The following MPP7 variants were observed in gnomAD, a reference collection of about 807,000 sequenced individuals.
MPP7 encodes MAGUK p55 scaffold protein 7.
In MPP7, 60 loss-of-function variants were observed where a neutral mutation model predicts 76.5. That is an observed-to-expected ratio of 0.78 (90% CI 0.64 to 0.97). MPP7 has a LOEUF of 0.97. Among genes scored for constraint, MPP7 ranks in the 50% least tolerant of loss-of-function variants. The pLI is 0.00. For synonymous variants in MPP7, 237 were observed against 244.5 expected, an observed-to-expected ratio of 0.97 and a Z score of 0.29; for missense variants, 641 against 694.0, an observed-to-expected ratio of 0.92 and a Z score of 0.86.
At chr10:28,309,743 G>A (rs1243418402) in intron 2 of MPP7, among the ~76,000 whole-genome samples, 1 of 152,144 alleles carries the variant, frequency 6.6e-6, no homozygotes, top group East Asian at 1.9e-4. Flanking sequence ...TGGGTCGTGG[G>A]GGCGGATCCC....
In MPP7 at chr10:28,120,286, C is replaced by T. The variant is rs764093738; in HGVS notation, c.795G>A (p.Met265Ile). Residue 265 changes from methionine to isoleucine, a missense_variant, in exon 10 of 17, where the codon ATG becomes ATA. Coordinates refer to ENST00000683449, the MANE Select transcript of MPP7 (RefSeq NM_001318170.2). ...GCCACCAAGTTGCATCATCTTGGCTCATAATCTGAAGAATATCTCCCTTTT... is the reference window on the plus strand; with the variant it reads ...GCCACCAAGTTGCATCATCTTGGCTTATAATCTGAAGAATATCTCCCTTTT... Reference protein sequence around the residue: ...SFKKGDILQIMSQDDATWWQA... With the variant: ...SFKKGDILQIISQDDATWWQA... The T allele has an allele frequency of 6.2e-7, 1 of 1,614,010 alleles. No homozygotes were observed. The highest frequency in any genetic ancestry group is 8.5e-7 in the Non-Finnish European group (1 of 1,179,966).
intron 2 of MPP7, among the ~76,000 whole-genome samples, chr10:28,229,598 T>A (rs1838808445): frequency 6.6e-6 from 1 of 152,084 alleles, no homozygotes; most frequent in Non-Finnish European, 1.5e-5. Flanking sequence ...AGTATAAAAC[T>A]GTGACAATGG....
At chr10:28,165,125 C>T (rs1588873311) in intron 3 of MPP7, among the ~76,000 whole-genome samples, 1 of 152,118 alleles carries the variant, frequency 6.6e-6, no homozygotes, top group Non-Finnish European at 1.5e-5. Context: ...AATAATAGAG[C>T]ATGTGGTGTC....
intron 7 of MPP7, 35 bp from the exon 8 acceptor site, chr10:28,124,151 T>A: frequency 3.6e-6 from 5 of 1,380,416 alleles, no homozygotes; most frequent in Non-Finnish European, 5.2e-6. Flanking sequence ...TTAGCAGTGT[T>A]ACCCACAACC....
Position 28,277,363 on chromosome 10 carries a change from CAA to C in MPP7, c.-132+25496_-132+25497del, listed in dbSNP as rs146764680. Among the ~76,000 whole-genome samples, 7 of 130,368 alleles carry C rather than the reference CAA, an allele frequency of 5.4e-5. No homozygotes were observed. In the East Asian group the frequency reaches 6.2e-4, roughly 12 times the overall value. The allele number at this position is 130,368 out of a possible 152,430, so 85.5% of individuals were successfully genotyped here. A position where few individuals can be genotyped will look rare whatever the true frequency, so the allele number is the denominator to read the frequency against. On this transcript the variant is annotated intron_variant, in intron 1 of 16. Coordinates refer to ENST00000683449, the MANE Select transcript of MPP7 (RefSeq NM_001318170.2). ...ACTAATACTAATGATAGCTGACGAGCAAAAAAAAAAAAATTAATTAAAAAAAT... is the reference window on the plus strand; with the variant it reads ...ACTAATACTAATGATAGCTGACGAGCAAAAAAAAAAATTAATTAAAAAAAT...
chr10:28,334,626 G>T (rs573798299), upstream of MPP7: 2 of 152,330 alleles, frequency 1.3e-5, no homozygotes, highest in South Asian at 4.1e-4. Flanking sequence ...GGGTTAAAAT[G>T]CTGTGTGGAA....
rs572190942 is a variant in MPP7, at chr10:28,112,678, C to G, written c.952+6973G>C. 4.6e-5 allele frequency among the ~76,000 whole-genome samples: 7 copies of G among 152,098 alleles called. No individual in the cohort carries two copies. In the East Asian group the frequency reaches 1.4e-3, roughly 29 times the overall value. On this transcript the variant is annotated intron_variant, in intron 11 of 16. Coordinates refer to ENST00000683449, the MANE Select transcript of MPP7 (RefSeq NM_001318170.2). ...ATTTCTCAGACTTAGCAAGTTTGAA[C>G]AAAGAGGAAAAAATATATAAAACGT...
intron 6 of MPP7, 33 bp from the exon 7 acceptor site, chr10:28,125,124 T>C (rs1834976728): frequency 6.5e-7 from 1 of 1,542,868 alleles, no homozygotes. Flanking sequence ...CATTTGTGGG[T>C]AAATGTGTGT....
intron 2 of MPP7, among the ~76,000 whole-genome samples, chr10:28,322,547 C>T (rs1204713118): frequency 6.6e-6 from 1 of 152,202 alleles, no homozygotes; most frequent in East Asian, 1.9e-4. Context: ...ATTGACACCC[C>T]GCTCTTGGCG....
chr10:28,064,395 A>C (rs1851910920), intron 13 of MPP7, among the ~76,000 whole-genome samples: 1 of 152,238 alleles, frequency 6.6e-6, no homozygotes, highest in South Asian at 2.1e-4. Flanking sequence ...AACATACTAA[A>C]TCATTCCAAA....
chr10:28,240,567 G>T (rs890228489), intron 1 of MPP7, among the ~76,000 whole-genome samples: 1 of 152,062 alleles, frequency 6.6e-6, no homozygotes, highest in African/African-American at 2.4e-5. Context: ...TATAAGAATT[G>T]TTATTTGAAA....
intron 8 of MPP7, among the ~76,000 whole-genome samples, chr10:28,121,874 C>T (rs761285226): frequency 2.6e-4 from 40 of 151,650 alleles, no homozygotes; most frequent in Non-Finnish European, 4.3e-4. Context: ...AATACTTTCA[C>T]TATAGTCAAT....
chr10:28,311,759 TACACACAC>T (rs112717112), intron 2 of MPP7, among the ~76,000 whole-genome samples: 15 of 148,714 alleles, frequency 1.0e-4, no homozygotes, highest in African/African-American at 2.2e-4. Flanking sequence ...GATGTGTTAA[TACACACAC>T]ACACACACAC....
At chr10:28,144,544 A>C (rs1835643034) in intron 5 of MPP7, among the ~76,000 whole-genome samples, 1 of 152,070 alleles carries the variant, frequency 6.6e-6, no homozygotes, top group Admixed American at 6.5e-5. Context: ...CTGCTTTTGC[A>C]TTTTTACATC....
At chr10:28,154,316 C>CTG (rs1328570766) in intron 3 of MPP7, among the ~76,000 whole-genome samples, 1 of 152,160 alleles carries the variant, frequency 6.6e-6, no homozygotes, top group Non-Finnish European at 1.5e-5. Flanking sequence ...AGTAGCTATT[C>CTG]TGTGTGTGTA....
chr10:28,325,316 A>G (rs572504510), intron 2 of MPP7, among the ~76,000 whole-genome samples: 1 of 152,248 alleles, frequency 6.6e-6, no homozygotes, highest in East Asian at 1.9e-4. Context: ...CATTTGTAAT[A>G]GCAGATATCT....
chr10:28,105,749 C>CCACT (rs1287068775), intron 11 of MPP7, among the ~76,000 whole-genome samples: 1 of 152,162 alleles, frequency 6.6e-6, no homozygotes, highest in Non-Finnish European at 1.5e-5. Flanking sequence ...CTCAGATGAT[C>CCACT]CACTGGCCTT....
At chr10:28,144,743 C>A (rs1187266702) in intron 5 of MPP7, among the ~76,000 whole-genome samples, 1 of 152,124 alleles carries the variant, frequency 6.6e-6, no homozygotes, top group Non-Finnish European at 1.5e-5. Context: ...TATTCTCCCC[C>A]TGCCCAAGTT....
chr10:28,262,181 TAAATTA>T lies in MPP7; in HGVS notation c.-131-23452_-131-23447del, dbSNP rs1308049197. ...AAGAAAAAGGAAATAAATAAATAAA[TAAATTA>T]TATATATATATATATATATACATAT... On this transcript the variant is annotated intron_variant, in intron 1 of 16. Transcript: ENST00000683449. Among the ~76,000 whole-genome samples, 6 of 86,484 alleles carry T rather than the reference TAAATTA, an allele frequency of 6.9e-5. 1 individual carries two copies. The highest frequency in any genetic ancestry group is 4.6e-4 in the Admixed American group (3 of 6,468). 56.7% of individuals were successfully genotyped at this position (86,484 alleles called of 152,430 possible).
Sources: allele counts gnomAD v4.1 joint callset (sites outside exome capture counted in the v4.1 genomes callset), GRCh38; gene constraint gnomAD v4.1.1; transcripts MANE v1.5; gene names NCBI Gene and HGNC (gene_info 2026-07-23, HGNC 2026-07-21).